PDE1C: variants seen among roughly 807,000 people sequenced by gnomAD.
PDE1C encodes the protein phosphodiesterase 1C, also known as dual specificity calcium/calmodulin-dependent 3',5'-cyclic nucleotide phosphodiesterase 1C.
Under a neutral mutation model 93.1 loss-of-function variants are expected in PDE1C, and 62 were observed. The ratio of observed to expected loss-of-function variants is 0.67; its 90% CI spans 0.54 to 0.82. The LOEUF (loss-of-function observed/expected upper bound fraction) is 0.82, where lower values mean the gene tolerates loss of function less well. Among genes scored for constraint, PDE1C ranks in the 40% least tolerant of loss-of-function variants. The probability of loss-of-function intolerance (pLI) is 0.00; values close to 1 mark genes in which losing one functional copy is unlikely to be tolerated. For synonymous variants in PDE1C, 325 were observed against 310.1 expected (o/e 1.05, Z -0.50); for missense variants, 742 against 884.6 (o/e 0.84, Z 2.04).
intron 2 of PDE1C, among the ~76,000 whole-genome samples, chr7:31,949,038 A>G (rs1333459726): frequency 6.6e-6 from 1 of 152,160 alleles, no homozygotes; most frequent in Non-Finnish European, 1.5e-5. Flanking sequence ...GAGAGATTAT[A>G]TTGGCCAGGG....
At position 32,312,518 on chromosome 7, in the gene PDE1C, A is replaced by G. The variant is rs559573359; in HGVS notation, c.311-102979T>C. ...TGACTTCAAACTATACTACAAGGCT[A>G]CAGTAACCAAAACAGCATGGTACTG... On this transcript the variant is annotated intron_variant, in intron 1 of 1. Coordinates refer to the PDE1C transcript ENST00000672256. Among the ~76,000 whole-genome samples the G allele has an allele frequency of 2.3e-3, 349 of 152,356 alleles. 3 individuals carry two copies. The highest frequency in any genetic ancestry group is 4.0e-3 in the Non-Finnish European group (273 of 68,038).
At chr7:31,652,126 T>G in the PDE1C span, 50 of 1,057,032 alleles carry the variant, frequency 4.7e-5, no homozygotes, top group African/African-American at 7.0e-4. Flanking sequence ...GAAACTTGAT[T>G]GTGCAATCAT....
upstream of PDE1C, among the ~76,000 whole-genome samples, chr7:32,301,358 C>T (rs551471246): frequency 3.9e-5 from 6 of 152,084 alleles, no homozygotes; most frequent in Non-Finnish European, 8.8e-5. Flanking sequence ...TTTTTCCTTG[C>T]GTAAGTGAGT....
At chr7:32,021,876 A>G (rs1195477065) in intron 2 of PDE1C, among the ~76,000 whole-genome samples, 1 of 152,130 alleles carries the variant, frequency 6.6e-6, no homozygotes, top group African/African-American at 2.4e-5. Flanking sequence ...CTCAAGAAAA[A>G]AAATAGTTGC....
intron 3 of PDE1C, among the ~76,000 whole-genome samples, chr7:32,098,753 T>G (rs1366477328): frequency 6.6e-6 from 1 of 152,214 alleles, no homozygotes; most frequent in Non-Finnish European, 1.5e-5. Flanking sequence ...CAGCAGGCCT[T>G]CAAGTAATTT....
intron 1 of PDE1C, among the ~76,000 whole-genome samples, chr7:32,308,231 G>T (rs528416943): frequency 6.6e-6 from 1 of 152,206 alleles, no homozygotes; most frequent in Non-Finnish European, 1.5e-5. Context: ...CAAAGCAGCC[G>T]GGAAGCTCAA....
In PDE1C at chr7:32,247,631, G is replaced by A. The variant is rs185504362; in HGVS notation, c.86-38092C>T. Among the ~76,000 whole-genome samples the A allele has an allele frequency of 4.6e-5, 7 of 152,226 alleles. No individual in the cohort carries two copies. In the East Asian group the frequency reaches 1.4e-3, roughly 29 times the overall value. ...GCAGTTAATAGAAACTGTATTTCAAGTACCCATATAATCATTCTGTTTCTC... is the reference window on the plus strand; with the variant it reads ...GCAGTTAATAGAAACTGTATTTCAAATACCCATATAATCATTCTGTTTCTC... On this transcript the variant is annotated intron_variant, in intron 1 of 18. Coordinates refer to the PDE1C transcript ENST00000396193.
the PDE1C span, chr7:31,707,547 G>T: frequency 1.2e-5 from 5 of 407,002 alleles, no homozygotes; most frequent in African/African-American, 8.2e-5. Context: ...AAATGAGGAG[G>T]TAACAGGGAA....
intron 1 of PDE1C, among the ~76,000 whole-genome samples, chr7:32,305,615 C>A (rs754040756): frequency 6.6e-6 from 1 of 152,214 alleles, no homozygotes; most frequent in Non-Finnish European, 1.5e-5. Flanking sequence ...CCAGACAAAG[C>A]TTCTACACAC....
At chr7:32,299,198 AT>A (rs1812817289) in exon 1 of PDE1C, 1 of 991,834 alleles carries the variant, frequency 1.0e-6, no homozygotes, top group Admixed American at 6.1e-5. Flanking sequence ...GAATGGCTGA[AT>A]TGGCGTCGTG....
At chr7:32,095,935 T>C (rs953706030) in intron 3 of PDE1C, among the ~76,000 whole-genome samples, 4 of 152,184 alleles carry the variant, frequency 2.6e-5, no homozygotes, top group African/African-American at 7.2e-5. Context: ...ATCGACCCCA[T>C]GCTTAGGCCA....
chr7:31,775,654 G>T lies in PDE1C; in HGVS notation c.1960+10C>A, dbSNP rs1436339327. 1 of 1,611,182 alleles carries T rather than the reference G, an allele frequency of 6.2e-7. No homozygotes were observed. Among genetic ancestry groups the T allele is most frequent in the East Asian group, 2.2e-5 (1 of 44,854 alleles). On this transcript the variant is annotated intron_variant, in intron 17 of 17. Coordinates refer to ENST00000396191, the MANE Select transcript of PDE1C (RefSeq NM_001191057.4). ...GTCACTAAGATAATGGTGCAATGCTGTTTACCCACCTGGCAACGTAAGGCG... is the reference window on the plus strand; with the variant it reads ...GTCACTAAGATAATGGTGCAATGCTTTTTACCCACCTGGCAACGTAAGGCG...
chr7:31,928,574 C>T (rs952401128), intron 2 of PDE1C, among the ~76,000 whole-genome samples: 9 of 152,182 alleles, frequency 5.9e-5, no homozygotes, highest in Non-Finnish European at 1.3e-4. Context: ...ATCTAACTAA[C>T]AGTGGATCTC....
chr7:31,767,198 T>C (rs1016080248), intron 17 of PDE1C, among the ~76,000 whole-genome samples: 1 of 152,236 alleles, frequency 6.6e-6, no homozygotes, highest in Non-Finnish European at 1.5e-5. Flanking sequence ...TTCTATTAAG[T>C]TGATACATTC....
intron 1 of PDE1C, among the ~76,000 whole-genome samples, chr7:32,418,556 G>A (rs143830614): frequency 1.5e-3 from 229 of 152,014 alleles, no homozygotes; most frequent in African/African-American, 4.6e-3. Flanking sequence ...GCATCCTTGC[G>A]TGACAATAAT....
chr7:32,196,999 T>C (rs1312909786), intron 2 of PDE1C, among the ~76,000 whole-genome samples: 3 of 152,194 alleles, frequency 2.0e-5, no homozygotes, highest in African/African-American at 4.8e-5. Flanking sequence ...TGAGTCCAGT[T>C]TGGAAACTAA....
At chr7:32,126,747 T>C (rs1799602977) in intron 3 of PDE1C, among the ~76,000 whole-genome samples, 1 of 152,082 alleles carries the variant, frequency 6.6e-6, no homozygotes, top group African/African-American at 2.4e-5. Flanking sequence ...AAAATTTTAC[T>C]ACACAAAAAA....
the PDE1C span, among the ~76,000 whole-genome samples, chr7:31,704,446 A>G: frequency 6.6e-6 from 1 of 152,222 alleles, no homozygotes; most frequent in African/African-American, 2.4e-5. Context: ...ACAAGCAGCC[A>G]AGTTCCCTAA....
At chr7:32,156,859 T>C (rs967022821) in intron 3 of PDE1C, among the ~76,000 whole-genome samples, 5 of 152,200 alleles carry the variant, frequency 3.3e-5, no homozygotes, top group African/African-American at 4.8e-5. Context: ...CCAAAGGTGA[T>C]TTAATCACAG....
Sources: gnomAD v4.1 joint callset for allele counts (sites outside exome capture counted in the v4.1 genomes callset) on GRCh38, gnomAD v4.1.1 for gene constraint, MANE v1.5 for transcripts, NCBI Gene and HGNC (gene_info 2026-07-23, HGNC 2026-07-21) for gene names.